Variants in WAC observed in about 807,000 individuals in gnomAD.
WAC encodes the protein WW domain containing adaptor with coiled-coil, also known as WW domain-containing adapter protein with coiled-coil.
In WAC, 11 loss-of-function variants were observed where a neutral mutation model predicts 79.6. The ratio of observed to expected loss-of-function variants is 0.14; its 90% CI spans 0.09 to 0.23. WAC has a LOEUF of 0.23. Among genes scored for constraint, WAC ranks in the 10% least tolerant of loss-of-function variants. The pLI is 1.00. For synonymous variants in WAC, 304 were observed against 276.9 expected, an observed-to-expected ratio of 1.10 and a Z score of -0.97; for missense variants, 728 against 773.5, an observed-to-expected ratio of 0.94 and a Z score of 0.70.
chr10:28,566,000 C>T (rs2132515973), intron 3 of WAC, among the ~76,000 whole-genome samples: 1 of 152,138 alleles, frequency 6.6e-6, no homozygotes, highest in African/African-American at 2.4e-5. Context: ...AAGTTTCATA[C>T]TTATAGTACT....
At chr10:28,553,203 ATTATAAACAAATC>A (rs993284497) in intron 3 of WAC, among the ~76,000 whole-genome samples, 1 of 152,180 alleles carries the variant, frequency 6.6e-6, no homozygotes, top group Non-Finnish European at 1.5e-5. Flanking sequence ...TTTCACAACT[ATTATAAACAAATC>A]TTTTATAGTT....
intron 10 of WAC, 88 bp downstream of exon 10, chr10:28,612,010 CT>C: frequency 6.7e-7 from 1 of 1,491,208 alleles, no homozygotes; most frequent in Non-Finnish European, 9.1e-7. Context: ...AGAAAAAGCC[CT>C]CTGAGAATGA....
intron 7 of WAC, among the ~76,000 whole-genome samples, chr10:28,603,977 AT>A (rs1840791167): frequency 1.2e-5 from 1 of 81,510 alleles, no homozygotes; most frequent in African/African-American, 5.2e-5. Context: ...ATATATATAT[AT>A]ATATATATAT....
At chr10:28,605,004 G>T (rs1339504840) in intron 7 of WAC, among the ~76,000 whole-genome samples, 1 of 152,160 alleles carries the variant, frequency 6.6e-6, no homozygotes, top group Non-Finnish European at 1.5e-5. Flanking sequence ...ATTGAGGCAT[G>T]TAACATAAGA....
chr10:28,535,704 G>T lies in WAC; in HGVS notation c.221G>T (p.Gly74Val), dbSNP rs201855730. 74 of 1,614,082 alleles carry T rather than the reference G, an allele frequency of 4.6e-5. No individual in the cohort carries two copies. Among genetic ancestry groups the T allele is most frequent in the Non-Finnish European group, 5.9e-5 (70 of 1,180,012 alleles). The change falls in exon 3 of 14, where the codon GGT becomes GTT. Residue 74 changes from glycine (G) to valine (V), a missense_variant. Physicochemically the swap from Gly to Val is moderately radical, Grantham distance 109. Around this residue, in one of 3 missense-constraint regions of WAC, gnomAD observed 648 missense variants for 661.5 expected, o/e 0.98. Coordinates refer to ENST00000354911, the MANE Select transcript of WAC (RefSeq NM_016628.5). ...GAAAACAAATACAGTGACAGCACAG[G>T]TCACAGTAAGGCCAAAAATGTGCAT... is the stretch of plus-strand genomic sequence containing the variant. ...SPENKYSDST[G>V]HSKAKNVHTH...
At chr10:28,551,822 C>CTT (rs1200045992) in intron 3 of WAC, among the ~76,000 whole-genome samples, 2,255 of 58,978 alleles carry the variant, frequency 0.038, 129 homozygotes, top group African/African-American at 0.13. Flanking sequence ...GTGTGTGTTT[C>CTT]TTTTTTTTTT....
intron 3 of WAC, among the ~76,000 whole-genome samples, chr10:28,570,413 C>G (rs532204701): frequency 1.3e-5 from 2 of 152,294 alleles, no homozygotes; most frequent in Non-Finnish European, 1.5e-5. Flanking sequence ...CTCCAGCCTT[C>G]GGCAGCTCAT....
chr10:28,554,451 TAA>T (rs1364879467), intron 3 of WAC, among the ~76,000 whole-genome samples: 4 of 152,252 alleles, frequency 2.6e-5, no homozygotes, highest in Non-Finnish European at 2.9e-5. Context: ...TAATAAAACT[TAA>T]GAGTTGTATT....
chr10:28,599,762 T>C (rs80356052), intron 7 of WAC, among the ~76,000 whole-genome samples: 2,255 of 152,260 alleles, frequency 0.015, 23 homozygotes, highest in African/African-American at 0.018. Flanking sequence ...CAGAGCTCTT[T>C]TATTTTTGCA....
chr10:28,613,650 G>A (rs914258890), intron 10 of WAC, among the ~76,000 whole-genome samples: 1 of 152,156 alleles, frequency 6.6e-6, no homozygotes, highest in East Asian at 1.9e-4. Flanking sequence ...AGAATTGATA[G>A]GTAATATTCA....
chr10:28,541,004 A>AT (rs766156377), intron 3 of WAC, among the ~76,000 whole-genome samples: 188 of 152,196 alleles, frequency 1.2e-3, no homozygotes, highest in African/African-American at 4.2e-3. Context: ...AACTTTTTAT[A>AT]TTTTTAGAGA....
chr10:28,550,076 G>A (rs1837574197), intron 3 of WAC, among the ~76,000 whole-genome samples: 1 of 152,160 alleles, frequency 6.6e-6, no homozygotes. Context: ...TGATGAGGCA[G>A]GAGAATCGCT....
intron 1 of WAC, 178 bp downstream of exon 1, chr10:28,533,798 CG>C: frequency 5.1e-6 from 5 of 985,266 alleles, no homozygotes; most frequent in South Asian, 1.7e-5. Flanking sequence ...TGGCGGGGAG[CG>C]GGGGCCCGGC....
rs543923536 is a variant in WAC, at chr10:28,592,573, A to G, written c.610+1741A>G. On this transcript the variant is annotated intron_variant, in intron 6 of 13. Coordinates refer to ENST00000354911, the MANE Select transcript of WAC (RefSeq NM_016628.5). The stretch of plus-strand genomic sequence containing the variant: ...GAGGTGGAGGTTGCTGTGACCTGAG[A>G]TTGCACCACTGTACTCCAGCCTGGG... Among the ~76,000 whole-genome samples the G allele has an allele frequency of 1.0e-3, 152 of 152,176 alleles. 1 individual carries two copies. Among genetic ancestry groups the G allele is most frequent in the Middle Eastern group, 3.4e-3 (1 of 294 alleles).
intron 5 of WAC, 65 bp downstream of exon 5, chr10:28,589,916 C>T (rs1431827322): frequency 6.0e-6 from 7 of 1,166,010 alleles, no homozygotes; most frequent in Non-Finnish European, 8.9e-6. Flanking sequence ...TAACATCTTA[C>T]AGCATTAAAC....
intron 3 of WAC, among the ~76,000 whole-genome samples, chr10:28,561,327 C>T (rs767463254): frequency 1.8e-4 from 27 of 152,288 alleles, no homozygotes; most frequent in Admixed American, 9.2e-4. Flanking sequence ...CCATGTACTA[C>T]CTGTTCTCAG....
At chr10:28,559,771 T>A (rs1838203163) in intron 3 of WAC, among the ~76,000 whole-genome samples, 1 of 152,172 alleles carries the variant, frequency 6.6e-6, no homozygotes, top group Non-Finnish European at 1.5e-5. Flanking sequence ...AGCAAGAAAC[T>A]TCAAGAGGTG....
intron 7 of WAC, among the ~76,000 whole-genome samples, chr10:28,596,791 A>C (rs1328929317): frequency 6.6e-6 from 1 of 152,176 alleles, no homozygotes; most frequent in Non-Finnish European, 1.5e-5. Flanking sequence ...GACCATTAGT[A>C]AGTGTTGATG....
chr10:28,536,485 T>G (rs377632031), intron 3 of WAC, among the ~76,000 whole-genome samples: 2 of 152,360 alleles, frequency 1.3e-5, no homozygotes, highest in Admixed American at 6.5e-5. Context: ...AAACTCATTA[T>G]GTTTTTTCAG....
Sources: gnomAD v4.1 joint callset for allele counts (sites outside exome capture counted in the v4.1 genomes callset) on GRCh38, gnomAD v4.1.1 for gene constraint, gnomAD v4.1.1 regional missense constraint, MANE v1.5 for transcripts, NCBI Gene and HGNC (gene_info 2026-07-23, HGNC 2026-07-21) for gene names.